The following MMP26 variants were observed in gnomAD, a reference collection of about 807,000 sequenced individuals.
MMP26 encodes the protein matrix metalloproteinase-26.
A neutral mutation model predicts 31.0 loss-of-function variants in MMP26; 33 were observed. The observed-to-expected ratio is 1.06, with a 90% CI of 0.81 to 1.42. MMP26 has a LOEUF of 1.42. MMP26 is among the 40% of genes most tolerant of loss of function. MMP26 has a pLI of 0.00. For missense variants in MMP26, 347 were observed against 316.1 expected, an observed-to-expected ratio of 1.10 and a Z score of -0.74; for synonymous variants, 122 against 114.9, an observed-to-expected ratio of 1.06 and a Z score of -0.40.
At chr11:4,936,774 G>A (rs1187294907) in intron 2 of MMP26, among the ~76,000 whole-genome samples, 1 of 152,010 alleles carries the variant, frequency 6.6e-6, no homozygotes, top group Non-Finnish European at 1.5e-5. Flanking sequence ...ATGGAGATAT[G>A]GTCATTTGGG....
intron 2 of MMP26, among the ~76,000 whole-genome samples, chr11:4,768,478 C>G (rs1848660261): frequency 6.6e-6 from 1 of 152,214 alleles, no homozygotes; most frequent in Non-Finnish European, 1.5e-5. Context: ...ATTTCTGCTA[C>G]ATGACTTTGG....
chr11:4,860,086 G>C (rs1850126186), intron 2 of MMP26: 1 of 471,076 alleles, frequency 2.1e-6, no homozygotes, highest in Admixed American at 2.3e-5. Context: ...GAAGGGCACA[G>C]GGAATACCAC....
At chr11:4,941,338 T>A (rs1018169219) in intron 2 of MMP26, among the ~76,000 whole-genome samples, 1 of 152,204 alleles carries the variant, frequency 6.6e-6, no homozygotes, top group Non-Finnish European at 1.5e-5. Context: ...AATGCACTTA[T>A]AATCTAATTA....
chr11:4,723,245 A>C, intron 1 of MMP26: 1 of 1,234,196 alleles, frequency 8.1e-7, no homozygotes. Context: ...GAGCCGGCTG[A>C]TGTTCCAGTT....
chr11:4,876,319 TG>T (rs1422422400), intron 2 of MMP26: 4 of 152,152 alleles, frequency 2.6e-5, no homozygotes, highest in African/African-American at 9.7e-5. Context: ...GGAGGTTTTT[TG>T]TTTGTTTCTC....
At chr11:4,736,903 A>C (rs1425007893) in intron 1 of MMP26, 1 of 152,882 alleles carries the variant, frequency 6.5e-6, no homozygotes, top group Non-Finnish European at 1.5e-5. Context: ...GGTTGAGAGC[A>C]TAGAGAGGAA....
chr11:4,716,065 G>C (rs1847926211), intron 1 of MMP26, among the ~76,000 whole-genome samples: 1 of 152,102 alleles, frequency 6.6e-6, no homozygotes, highest in Admixed American at 6.6e-5. Context: ...TGGGACTGAG[G>C]GTAGCCTCTA....
chr11:4,931,859 G>A (rs191827509), intron 2 of MMP26, among the ~76,000 whole-genome samples: 412 of 152,056 alleles, frequency 2.7e-3, no homozygotes, highest in Admixed American at 5.8e-3. Flanking sequence ...GCAAATAATA[G>A]GAATAATTCT....
chr11:4,764,827 C>T (rs776366312), intron 1 of MMP26, among the ~76,000 whole-genome samples: 3 of 152,052 alleles, frequency 2.0e-5, no homozygotes, highest in African/African-American at 7.3e-5. Flanking sequence ...GAGCTGAGAT[C>T]GCGCAGCGCC....
chr11:4,974,971 A>T (rs933341782), intron 2 of MMP26, among the ~76,000 whole-genome samples: 1 of 151,776 alleles, frequency 6.6e-6, no homozygotes, highest in African/African-American at 2.4e-5. Context: ...AGGTGGGGGG[A>T]GGGAGAGTAT....
chr11:4,716,610 GA>G (rs1847933051), intron 1 of MMP26, among the ~76,000 whole-genome samples: 2 of 137,428 alleles, frequency 1.5e-5, no homozygotes. Context: ...TTATGCTTTT[GA>G]AGCAAAGAAG....
intron 2 of MMP26, among the ~76,000 whole-genome samples, chr11:4,868,922 C>A (rs968630372): frequency 1.3e-5 from 2 of 152,140 alleles, no homozygotes; most frequent in Non-Finnish European, 2.9e-5. Context: ...CACACATCTA[C>A]AACCATCTGA....
At chr11:4,806,317 T>C (rs138308154) in intron 2 of MMP26, among the ~76,000 whole-genome samples, 3,607 of 152,094 alleles carry the variant, frequency 0.024, 138 homozygotes, top group African/African-American at 0.082. Flanking sequence ...ATGTTGACAG[T>C]GGGGTGTTAA....
chr11:4,917,388 C>T (rs10500625), intron 2 of MMP26, among the ~76,000 whole-genome samples: 14,183 of 152,226 alleles, frequency 0.093, 849 homozygotes, highest in Middle Eastern at 0.2. Context: ...ACAATGATTA[C>T]TCTTTCTTGC....
rs1050075712 is a variant in MMP26, at chr11:4,989,514, G to A, written c.100-134G>A. 23 of 627,954 alleles carry A rather than the reference G, an allele frequency of 3.7e-5. No homozygotes were observed. The East Asian group carries it at 6.3e-4, about 17-fold the overall frequency. The allele number at this position is 627,954 out of a possible 1,614,324, so 38.9% of individuals were successfully genotyped here. A position where few individuals can be genotyped will look rare whatever the true frequency, so the allele number is the denominator to read the frequency against. On this transcript the variant is annotated intron_variant, in intron 3 of 7. Coordinates refer to ENST00000380390, the MANE Select transcript of MMP26 (RefSeq NM_021801.5). ...CAGGGATGGCTGCCATCATCTGACT[G>A]AGAACAGGAGACTTAGGAAGGCCAG...
intron 1 of MMP26, chr11:4,722,927 G>T (rs2133276489): frequency 3.8e-6 from 3 of 781,676 alleles, no homozygotes; most frequent in South Asian, 1.3e-5. Flanking sequence ...TAGACCACCT[G>T]CATAGACACT....
At chr11:4,918,561 G>A (rs1418802608) in intron 2 of MMP26, among the ~76,000 whole-genome samples, 1 of 152,132 alleles carries the variant, frequency 6.6e-6, no homozygotes, top group Non-Finnish European at 1.5e-5. Flanking sequence ...TCGCCAGAGA[G>A]TTCTTAGTAT....
intron 2 of MMP26, among the ~76,000 whole-genome samples, chr11:4,911,005 C>T (rs1029276329): frequency 1.3e-5 from 2 of 152,162 alleles, no homozygotes; most frequent in Admixed American, 6.6e-5. Context: ...ACTGTAATGT[C>T]TCCTGAAATG....
chr11:4,903,971 G>A (rs970998244), intron 2 of MMP26: 10 of 151,988 alleles, frequency 6.6e-5, no homozygotes, highest in South Asian at 4.1e-4. Context: ...GTTAAATATC[G>A]GGGTGTTTTT....
Sources: gnomAD v4.1 joint callset for allele counts (sites outside exome capture counted in the v4.1 genomes callset) on GRCh38, gnomAD v4.1.1 for gene constraint, MANE v1.5 for transcripts, NCBI Gene and HGNC (gene_info 2026-07-23, HGNC 2026-07-21) for gene names.